The following CCSER1 variants were observed in gnomAD, a reference collection of about 807,000 sequenced individuals.
The protein encoded by CCSER1 is coiled-coil serine rich protein 1.
CCSER1 carries 41 observed loss-of-function variants against 82.0 expected under a neutral mutation model. The observed-to-expected ratio is 0.50, with a 90% CI of 0.39 to 0.65. The LOEUF (loss-of-function observed/expected upper bound fraction) is 0.65, where lower values mean the gene tolerates loss of function less well. CCSER1 is among the 30% of genes least tolerant of loss of function. The probability of loss-of-function intolerance (pLI) is 0.00; values close to 1 mark genes in which losing one functional copy is unlikely to be tolerated. For missense variants in CCSER1, 1,119 were observed against 1,064.2 expected, an observed-to-expected ratio of 1.05 and a Z score of -0.72; for synonymous variants, 414 against 383.9, an observed-to-expected ratio of 1.08 and a Z score of -0.92.
At chr4:90,164,482 T>G (rs1157156489) in intron 1 of CCSER1, among the ~76,000 whole-genome samples, 3 of 152,138 alleles carry the variant, frequency 2.0e-5, no homozygotes, top group Non-Finnish European at 4.4e-5. Flanking sequence ...GAGATCTTTT[T>G]TGATAGTCAG....
At chr4:91,329,018 G>A (rs1042561958) in intron 10 of CCSER1, among the ~76,000 whole-genome samples, 11 of 152,066 alleles carry the variant, frequency 7.2e-5, no homozygotes, top group African/African-American at 2.7e-4. Context: ...TGATTGTGAG[G>A]CCTCCTCAGC....
At chr4:91,315,890 T>C (rs543271311) in intron 10 of CCSER1, among the ~76,000 whole-genome samples, 7 of 152,046 alleles carry the variant, frequency 4.6e-5, no homozygotes, top group African/African-American at 1.7e-4. Flanking sequence ...TTGATATGGT[T>C]TGGCTGTGTC....
chr4:90,710,181 A>G (rs1467607238), intron 6 of CCSER1, among the ~76,000 whole-genome samples: 1 of 152,018 alleles, frequency 6.6e-6, no homozygotes, highest in Non-Finnish European at 1.5e-5. Flanking sequence ...TAGACTCTGG[A>G]TATTAGACCT....
intron 10 of CCSER1, among the ~76,000 whole-genome samples, chr4:91,493,973 G>A (rs1758684243): frequency 6.6e-6 from 1 of 151,812 alleles, no homozygotes; most frequent in Non-Finnish European, 1.5e-5. Flanking sequence ...GTCTGAATAT[G>A]TCCTCTAAAA....
At chr4:91,030,130 A>G (rs1378172347) in intron 9 of CCSER1, among the ~76,000 whole-genome samples, 1 of 152,136 alleles carries the variant, frequency 6.6e-6, no homozygotes, top group African/African-American at 2.4e-5. Context: ...TGTTGTAAGC[A>G]ACCCACCAGA....
At chr4:90,296,386 A>T (rs1166999483) in intron 1 of CCSER1, among the ~76,000 whole-genome samples, 1 of 151,938 alleles carries the variant, frequency 6.6e-6, no homozygotes, top group Non-Finnish European at 1.5e-5. Flanking sequence ...TAGATTCTGG[A>T]TATTAGCCCT....
chr4:91,427,554 T>G (rs1754058115), intron 10 of CCSER1, among the ~76,000 whole-genome samples: 1 of 152,124 alleles, frequency 6.6e-6, no homozygotes, highest in Non-Finnish European at 1.5e-5. Context: ...AATGCAGGCT[T>G]TGTAGGCAGA....
intron 6 of CCSER1, among the ~76,000 whole-genome samples, chr4:90,706,339 T>C (rs975703240): frequency 6.6e-6 from 1 of 152,076 alleles, no homozygotes; most frequent in Non-Finnish European, 1.5e-5. Context: ...CCAGCACTTT[T>C]GGAGGTTAAG....
chr4:90,463,676 G>T (rs1281339879), intron 4 of CCSER1, among the ~76,000 whole-genome samples: 1 of 152,046 alleles, frequency 6.6e-6, no homozygotes, highest in East Asian at 1.9e-4. Context: ...TTTTAAGGCT[G>T]CAATTTGCCA....
intron 9 of CCSER1, among the ~76,000 whole-genome samples, chr4:90,925,204 G>A (rs944595608): frequency 2.0e-5 from 3 of 151,950 alleles, no homozygotes; most frequent in African/African-American, 7.3e-5. Flanking sequence ...ATACAACACA[G>A]GGACTACAAG....
At chr4:91,324,030 T>A (rs1316449879) in intron 10 of CCSER1, among the ~76,000 whole-genome samples, 1 of 152,182 alleles carries the variant, frequency 6.6e-6, no homozygotes, top group East Asian at 1.9e-4. Flanking sequence ...GACATCTAAT[T>A]TCACTTATGA....
intron 6 of CCSER1, among the ~76,000 whole-genome samples, chr4:90,686,597 G>A (rs1345661576): frequency 6.6e-6 from 1 of 151,862 alleles, no homozygotes; most frequent in South Asian, 2.1e-4. Context: ...TTCTTTCTCT[G>A]CCTTCTGATA....
chr4:90,909,486 T>A (rs749144575), intron 8 of CCSER1, among the ~76,000 whole-genome samples: 7 of 152,136 alleles, frequency 4.6e-5, no homozygotes, highest in Non-Finnish European at 7.3e-5. Context: ...AAGAAGTGAT[T>A]GTGAAATACA....
At chr4:91,152,375 C>A (rs1012406633) in intron 10 of CCSER1, among the ~76,000 whole-genome samples, 2 of 152,188 alleles carry the variant, frequency 1.3e-5, no homozygotes, top group Non-Finnish European at 2.9e-5. Context: ...TGTCTCTGCA[C>A]ATGAGATAGG....
At chr4:91,370,557 T>C (rs902715794) in intron 10 of CCSER1, among the ~76,000 whole-genome samples, 2 of 151,788 alleles carry the variant, frequency 1.3e-5, no homozygotes, top group Non-Finnish European at 2.9e-5. Flanking sequence ...TAGCCAGGCG[T>C]GGTAGCACAA....
chr4:90,857,901 G>T (rs959666507), intron 8 of CCSER1, among the ~76,000 whole-genome samples: 11 of 152,050 alleles, frequency 7.2e-5, no homozygotes, highest in African/African-American at 2.7e-4. Context: ...GCCATAGGGA[G>T]AAAATGGGTA....
chr4:90,471,993 A>G (rs1178177397), intron 5 of CCSER1, among the ~76,000 whole-genome samples: 12 of 152,070 alleles, frequency 7.9e-5, no homozygotes, highest in Admixed American at 3.9e-4. Context: ...AAAAAATAGT[A>G]GACATAAAAT....
At chr4:90,889,890 A>T (rs1430608770) in intron 8 of CCSER1, among the ~76,000 whole-genome samples, 3 of 152,182 alleles carry the variant, frequency 2.0e-5, no homozygotes, top group Admixed American at 2.0e-4. Flanking sequence ...TGGGTAGCAC[A>T]ATAAAGTATG....
At chr4:90,395,771 T>G (rs2153541567) in intron 3 of CCSER1, among the ~76,000 whole-genome samples, 1 of 152,170 alleles carries the variant, frequency 6.6e-6, no homozygotes, top group East Asian at 1.9e-4. Context: ...TATTTAACAC[T>G]TTTCTTGTTC....
Sources: allele counts gnomAD v4.1 joint callset (sites outside exome capture counted in the v4.1 genomes callset), GRCh38; gene constraint gnomAD v4.1.1; transcripts MANE v1.5; gene names NCBI Gene and HGNC (gene_info 2026-07-23, HGNC 2026-07-21).